CLEC1A: variants seen among roughly 807,000 people sequenced by gnomAD.
The protein encoded by CLEC1A is C-type lectin-like receptor-1.
Under a neutral mutation model 28.7 loss-of-function variants are expected in CLEC1A, and 34 were observed. The ratio of observed to expected loss-of-function variants is 1.18; its 90% CI spans 0.90 to 1.57. The LOEUF (loss-of-function observed/expected upper bound fraction) is 1.57. Among genes scored for constraint, CLEC1A ranks in the 40% most tolerant of loss-of-function variants. The pLI is 0.00. For synonymous variants in CLEC1A, 116 were observed against 121.0 expected (o/e 0.96, Z 0.27); for missense variants, 385 against 339.5 (o/e 1.13, Z -1.05).
At chr12:10,086,986 A>G (rs1400475596) in intron 2 of CLEC1A, among the ~76,000 whole-genome samples, 1 of 152,008 alleles carries the variant, frequency 6.6e-6, no homozygotes, top group Non-Finnish European at 1.5e-5. Context: ...CAGGTGGATC[A>G]CCTGAGGTCG....
At chr12:10,071,883 G>A (rs1866143685) in intron 5 of CLEC1A, among the ~76,000 whole-genome samples, 1 of 152,178 alleles carries the variant, frequency 6.6e-6, no homozygotes, top group African/African-American at 2.4e-5. Flanking sequence ...ATGATATATT[G>A]TATATAGGGA....
intron 4 of CLEC1A, among the ~76,000 whole-genome samples, chr12:10,074,007 A>C (rs1866195097): frequency 6.6e-6 from 1 of 152,154 alleles, no homozygotes; most frequent in Non-Finnish European, 1.5e-5. Flanking sequence ...ACATTTTAAA[A>C]GTTGTTTACT....
At chr12:10,080,781 T>C (rs1458202974) in intron 3 of CLEC1A, among the ~76,000 whole-genome samples, 4 of 152,216 alleles carry the variant, frequency 2.6e-5, no homozygotes, top group Non-Finnish European at 5.9e-5. Context: ...CTGCATATTT[T>C]TGATACCCAG....
At chr12:10,074,551 A>T (rs1404371850) in intron 4 of CLEC1A, among the ~76,000 whole-genome samples, 2 of 152,248 alleles carry the variant, frequency 1.3e-5, no homozygotes, top group East Asian at 3.8e-4. Context: ...GTTCAGTTTT[A>T]TACCTGAGTT....
In CLEC1A at chr12:10,098,978, G is replaced by C; in HGVS notation, c.-56C>G. ...TGGTCGGATTGCCCTGGGCCGCCGGGCTACTGTGAGCTAGTTCAGGAAGCA... is the reference window on the plus strand; with the variant it reads ...TGGTCGGATTGCCCTGGGCCGCCGGCCTACTGTGAGCTAGTTCAGGAAGCA... On this transcript the variant is annotated 5_prime_UTR_variant, in exon 1 of 6. Transcript: ENST00000315330. 1.6e-6 allele frequency: 2 copies of C among 1,237,172 alleles called. No homozygotes were observed. Among genetic ancestry groups the C allele is most frequent in the Non-Finnish European group, 2.3e-6 (2 of 862,074 alleles). 76.6% of individuals were successfully genotyped at this position (1,237,172 alleles called of 1,614,324 possible).
chr12:10,071,619 A>G, intron 5 of CLEC1A, 106 bp from the exon 6 acceptor site: 1 of 931,096 alleles, frequency 1.1e-6, no homozygotes, highest in Non-Finnish European at 1.5e-6. Context: ...AGATACCAGA[A>G]TAAGTTTACC....
intron 1 of CLEC1A, among the ~76,000 whole-genome samples, chr12:10,096,775 G>A (rs1444093455): frequency 2.0e-5 from 3 of 152,002 alleles, no homozygotes; most frequent in African/African-American, 7.2e-5. Flanking sequence ...TCTGTCTATA[G>A]TGTCCCCAGC....
chr12:10,072,276 C>A (rs1866150407), intron 5 of CLEC1A, among the ~76,000 whole-genome samples: 1 of 152,138 alleles, frequency 6.6e-6, no homozygotes, highest in African/African-American at 2.4e-5. Context: ...TCCTCAGAAG[C>A]CAAGCAGATG....
intron 1 of CLEC1A, among the ~76,000 whole-genome samples, chr12:10,090,910 C>T (rs1468999420): frequency 9.9e-5 from 15 of 152,116 alleles, no homozygotes; most frequent in Non-Finnish European, 1.9e-4. Context: ...CTGCATTAGT[C>T]TTATTGAGAC....
At chr12:10,087,498 A>G (rs1591916916) in intron 2 of CLEC1A, among the ~76,000 whole-genome samples, 1 of 132,566 alleles carries the variant, frequency 7.5e-6, no homozygotes, top group African/African-American at 2.9e-5. Flanking sequence ...ATATATATAT[A>G]TATATATATA....
At chr12:10,092,436 A>C (rs753685422) in intron 1 of CLEC1A, 6 of 388,452 alleles carry the variant, frequency 1.5e-5, no homozygotes, top group South Asian at 1.1e-4. Context: ...AGTCGCAGCT[A>C]CTCAGAAGGC....
chr12:10,079,021 T>C (rs1018703336), intron 3 of CLEC1A, among the ~76,000 whole-genome samples: 1 of 152,218 alleles, frequency 6.6e-6, no homozygotes, highest in African/African-American at 2.4e-5. Context: ...TGCAGAATCA[T>C]TAACCAAATA....
intron 2 of CLEC1A, chr12:10,084,144 T>C (rs2137351513): frequency 6.6e-6 from 1 of 152,322 alleles, no homozygotes; most frequent in East Asian, 1.9e-4. Flanking sequence ...AAAACACCCA[T>C]GGTCTTCCTA....
At chr12:10,083,445 C>A (rs1020528146) in intron 2 of CLEC1A, among the ~76,000 whole-genome samples, 2 of 152,086 alleles carry the variant, frequency 1.3e-5, no homozygotes, top group East Asian at 1.9e-4. Context: ...AAAGTGAAAA[C>A]CAACTTAAGA....
chr12:10,094,129 G>C (rs1166828023), intron 1 of CLEC1A, among the ~76,000 whole-genome samples: 1 of 151,914 alleles, frequency 6.6e-6, no homozygotes. Context: ...GTAAAAGTTA[G>C]GTGACTCAAT....
In CLEC1A at chr12:10,073,320, A is replaced by G; in HGVS notation, c.635T>C (p.Met212Thr). ...RPDSGKAWLW[M>T]DGTPFTSELF... ...TTCAGAAGTGAAAGGGGTTCCATCC[A>G]TCCACAGCCAGGCCTTGCCACTGTC... is the stretch of plus-strand genomic sequence containing the variant. Residue 212 changes from methionine (M) to threonine (T), a missense_variant, in exon 5 of 6, where the codon ATG becomes ACG. By Grantham distance (81) the Met-to-Thr change is moderately conservative. Transcript: ENST00000315330. 1.2e-6 allele frequency: 2 copies of G among 1,613,584 alleles called. No individual in the cohort carries two copies. Among genetic ancestry groups the G allele is most frequent in the South Asian group, 1.1e-5 (1 of 91,076 alleles).
intron 2 of CLEC1A, 82 bp downstream of exon 2, chr12:10,089,042 A>G: frequency 9.0e-7 from 1 of 1,115,794 alleles, no homozygotes; most frequent in Non-Finnish European, 1.4e-6. Context: ...TAAAGTTTAA[A>G]AAACAAATCC....
intron 3 of CLEC1A, among the ~76,000 whole-genome samples, chr12:10,080,316 C>G (rs1866341025): frequency 6.6e-6 from 1 of 151,842 alleles, no homozygotes; most frequent in Admixed American, 6.6e-5. Flanking sequence ...CCATCTCCCC[C>G]CACCCCCAAA....
intron 1 of CLEC1A, among the ~76,000 whole-genome samples, chr12:10,095,661 T>A (rs1210833224): frequency 2.6e-5 from 4 of 152,226 alleles, no homozygotes; most frequent in Non-Finnish European, 5.9e-5. Flanking sequence ...TATTGATAAA[T>A]TGTTAAATAA....
Sources: gnomAD v4.1 joint callset for allele counts (sites outside exome capture counted in the v4.1 genomes callset) on GRCh38, gnomAD v4.1.1 for gene constraint, MANE v1.5 for transcripts, NCBI Gene and HGNC (gene_info 2026-07-23, HGNC 2026-07-21) for gene names.